The following PTPRG variants were observed in gnomAD, a reference collection of about 807,000 sequenced individuals.
PTPRG encodes protein tyrosine phosphatase receptor type G.
PTPRG carries 102 observed loss-of-function variants against 165.3 expected under a neutral mutation model. That is an observed-to-expected ratio of 0.62 (90% CI 0.53 to 0.73). The LOEUF (loss-of-function observed/expected upper bound fraction) is 0.73, where lower values mean the gene tolerates loss of function less well. Ranked by LOEUF, PTPRG falls within the 30% of genes least tolerant of loss-of-function variation. The pLI is 0.00. For synonymous variants in PTPRG, 675 were observed against 669.5 expected, an observed-to-expected ratio of 1.01 and a Z score of -0.13; for missense variants, 1,866 against 1,861.4, an observed-to-expected ratio of 1.00 and a Z score of -0.05.
intron 4 of PTPRG, among the ~76,000 whole-genome samples, chr3:62,027,125 C>A (rs4589928): frequency 0.56 from 84,986 of 151,506 alleles, 24,759 homozygotes; most frequent in African/African-American, 0.73. Flanking sequence ...ATAGATCCCC[C>A]TTCTCCATGG....
chr3:62,005,179 C>T (rs1174223926), intron 4 of PTPRG, among the ~76,000 whole-genome samples: 1 of 152,168 alleles, frequency 6.6e-6, no homozygotes, highest in Non-Finnish European at 1.5e-5. Context: ...ATTCTTCCTG[C>T]ATTAGGACTC....
chr3:61,667,191 A>T (rs1233313975), intron 1 of PTPRG, among the ~76,000 whole-genome samples: 1 of 152,216 alleles, frequency 6.6e-6, no homozygotes, highest in African/African-American at 2.4e-5. Flanking sequence ...CAAGTGGCTT[A>T]TGAATAAGCT....
At chr3:61,963,900 G>A (rs1486380876) in intron 2 of PTPRG, among the ~76,000 whole-genome samples, 1 of 152,064 alleles carries the variant, frequency 6.6e-6, no homozygotes, top group Non-Finnish European at 1.5e-5. Flanking sequence ...CAGAAGGCAA[G>A]GGTATATTTA....
intron 1 of PTPRG, among the ~76,000 whole-genome samples, chr3:61,725,126 T>C (rs2032203875): frequency 6.6e-6 from 1 of 152,136 alleles, no homozygotes; most frequent in Non-Finnish European, 1.5e-5. Flanking sequence ...AAATGTACAA[T>C]CCATTTTGAG....
Position 61,604,013 on chromosome 3 carries a change from C to T in PTPRG, c.85+41641C>T, listed in dbSNP as rs574245227. ...ATTAGAACTTTAGCATGGCTGGGCA[C>T]GGTTTTATTGACATATATTTGTCAA... is the stretch of plus-strand genomic sequence containing the variant. On this transcript the variant is annotated intron_variant, in intron 1 of 29. Coordinates refer to ENST00000474889, the MANE Select transcript of PTPRG (RefSeq NM_002841.4). Among the ~76,000 whole-genome samples the T allele has an allele frequency of 5.9e-5, 9 of 152,286 alleles. No homozygotes were observed. In the East Asian group the frequency reaches 9.6e-4, roughly 16 times the overall value.
At chr3:62,046,373 A>T (rs1700292936) in intron 4 of PTPRG, among the ~76,000 whole-genome samples, 1 of 152,122 alleles carries the variant, frequency 6.6e-6, no homozygotes, top group Non-Finnish European at 1.5e-5. Flanking sequence ...GTGACTGTCT[A>T]TCTTTCATTG....
chr3:61,902,214 AG>A lies in PTPRG; in HGVS notation c.191-87408del, dbSNP rs1276013356. Among the ~76,000 whole-genome samples, 4 of 152,170 alleles carry A rather than the reference AG, an allele frequency of 2.6e-5. No individual in the cohort carries two copies. In the East Asian group the frequency reaches 7.7e-4, roughly 29 times the overall value. ...TGTTTCCAGGCTGATTGGAACTGAA[AG>A]GGTTGGGCATGAATGTTAGGGTGGC... On this transcript the variant is annotated intron_variant, in intron 2 of 29. Coordinates refer to ENST00000474889, the MANE Select transcript of PTPRG (RefSeq NM_002841.4).
intron 1 of PTPRG, among the ~76,000 whole-genome samples, chr3:61,652,600 A>G (rs1466586356): frequency 5.2e-4 from 2 of 3,826 alleles, no homozygotes; most frequent in Non-Finnish European, 0.01. Flanking sequence ...ATATTTTAAT[A>G]TTGTTGTTAA....
intron 2 of PTPRG, among the ~76,000 whole-genome samples, chr3:61,785,220 G>T (rs971319826): frequency 1.4e-4 from 21 of 152,150 alleles, no homozygotes; most frequent in Admixed American, 2.6e-4. Context: ...ATGCTCTTAG[G>T]GGGAGGACAA....
rs376642650 is a variant in PTPRG, at chr3:62,168,024, G to A, written c.894G>A (p.Ser298=). Residue 298 remains serine (S), a synonymous_variant, in exon 8 of 30, where the codon TCG becomes TCA. Transcript: ENST00000474889. ...FTTEQQDHVK[S]VEYLRNNFRP... Reference sequence around the variant, plus strand: ...CGGAGCAGCAAGACCATGTCAAGTCGGTGGAGTATCTGAGAAATAACTTTC... The same window carrying A: ...CGGAGCAGCAAGACCATGTCAAGTCAGTGGAGTATCTGAGAAATAACTTTC... 31 of 1,613,798 alleles carry A rather than the reference G, an allele frequency of 1.9e-5. No homozygotes were observed. Among genetic ancestry groups the A allele is most frequent in the African/African-American group, 1.3e-4 (10 of 74,930 alleles).
At chr3:61,964,377 G>A (rs976998786) in intron 2 of PTPRG, among the ~76,000 whole-genome samples, 1 of 152,162 alleles carries the variant, frequency 6.6e-6, no homozygotes, top group Non-Finnish European at 1.5e-5. Context: ...CTTTTCTTAT[G>A]GACTGGGGGA....
intron 2 of PTPRG, among the ~76,000 whole-genome samples, chr3:61,803,632 T>G (rs982278869): frequency 6.6e-6 from 1 of 152,144 alleles, no homozygotes; most frequent in Non-Finnish European, 1.5e-5. Flanking sequence ...TTGTTGTTGT[T>G]GTTGCTTCCT....
chr3:62,172,656 G>C (rs11715041), intron 8 of PTPRG, among the ~76,000 whole-genome samples: 13 of 152,158 alleles, frequency 8.5e-5, no homozygotes, highest in Non-Finnish European at 1.3e-4. Context: ...GGAGGGCTTA[G>C]ATTATTGACC....
intron 2 of PTPRG, among the ~76,000 whole-genome samples, chr3:61,763,333 G>A (rs2033913974): frequency 6.6e-6 from 1 of 152,006 alleles, no homozygotes; most frequent in Non-Finnish European, 1.5e-5. Context: ...CACCTCCTGG[G>A]TTCAAGTGTC....
At chr3:62,038,041 A>G (rs1274272775) in intron 4 of PTPRG, among the ~76,000 whole-genome samples, 1 of 152,178 alleles carries the variant, frequency 6.6e-6, no homozygotes, top group African/African-American at 2.4e-5. Context: ...ATCCAGAAGG[A>G]GTGTCAAGTC....
At chr3:62,030,371 C>G (rs536209305) in intron 4 of PTPRG, among the ~76,000 whole-genome samples, 1 of 152,112 alleles carries the variant, frequency 6.6e-6, no homozygotes, top group East Asian at 1.9e-4. Context: ...TGAAATATTG[C>G]TTTAAGGAAC....
At chr3:61,939,996 G>A (rs966210597) in intron 2 of PTPRG, among the ~76,000 whole-genome samples, 1 of 122,654 alleles carries the variant, frequency 8.2e-6, no homozygotes, top group African/African-American at 3.1e-5. Context: ...CCAGGCTGGA[G>A]TACAGTGGCG....
At chr3:62,189,550 A>G (rs2106799897) in intron 8 of PTPRG, among the ~76,000 whole-genome samples, 1 of 152,208 alleles carries the variant, frequency 6.6e-6, no homozygotes, top group East Asian at 1.9e-4. Context: ...CCCAAACCAG[A>G]AGGTCCTCCT....
chr3:62,113,022 G>T (rs1327018351), intron 5 of PTPRG, among the ~76,000 whole-genome samples: 2 of 151,940 alleles, frequency 1.3e-5, no homozygotes, highest in Non-Finnish European at 2.9e-5. Context: ...AATTCTTGGG[G>T]CAAAAAAAAT....
Sources: allele counts gnomAD v4.1 joint callset (sites outside exome capture counted in the v4.1 genomes callset), GRCh38; gene constraint gnomAD v4.1.1; transcripts MANE v1.5; gene names NCBI Gene and HGNC (gene_info 2026-07-23, HGNC 2026-07-21).